Variants in ZP1 observed in about 807,000 individuals in gnomAD.
ZP1 encodes zona pellucida sperm-binding protein 1.
A neutral mutation model predicts 67.4 loss-of-function variants in ZP1; 58 were observed. The ratio of observed to expected loss-of-function variants is 0.86; its 90% CI spans 0.70 to 1.07. ZP1 has a LOEUF of 1.07. ZP1 is among the 50% of genes least tolerant of loss of function. ZP1 has a pLI of 0.00. For missense variants in ZP1, 759 were observed against 807.3 expected, an observed-to-expected ratio of 0.94 and a Z score of 0.72; for synonymous variants, 333 against 332.7, an observed-to-expected ratio of 1.00 and a Z score of -0.01.
At chr11:60,871,386 G>T (rs1228287562) in intron 6 of ZP1, 72 bp downstream of exon 6, 3 of 1,519,704 alleles carry the variant, frequency 2.0e-6, no homozygotes, top group Non-Finnish European at 2.7e-6. Context: ...GCTCAGTACA[G>T]GCTTCGGAGC....
At chr11:60,870,601 T>C in intron 4 of ZP1, 126 bp downstream of exon 4, 1 of 1,324,312 alleles carries the variant, frequency 7.6e-7, no homozygotes, top group Non-Finnish European at 1.0e-6. Flanking sequence ...CCAGAGCAGA[T>C]GGCAGAGGAG....
At position 60,873,751 on chromosome 11, in the gene ZP1, C is replaced by T; in HGVS notation, c.1548C>T (p.Gly516=). The T allele has an allele frequency of 6.2e-7, 1 of 1,614,100 alleles. No homozygotes were observed. The highest frequency in any genetic ancestry group is 2.2e-5 in the East Asian group (1 of 44,890). The change falls in exon 9 of 12, where the codon GGC becomes GGT. Residue 516 remains glycine (G), a synonymous_variant. Coordinates refer to ENST00000278853, the MANE Select transcript of ZP1 (RefSeq NM_207341.4). ...CTACCTTCGCCCTCCTGGACTCAGG[C>T]TCCCAGAGAGCCCTCAGAGGACTGG... ...TVATFALLDS[G]SQRALRGLVY... is the part of the protein sequence containing the mutation.
rs1855687392 is a variant in ZP1, at chr11:60,875,563, G to A, written c.1824G>A (p.Leu608=). Residue 608 remains leucine, a synonymous_variant, in exon 12 of 12, where the codon TTG becomes TTA. Transcript: ENST00000278853. The stretch of plus-strand genomic sequence containing the variant: ...GACCTCTCCTTTGGGCGGTCCTTTT[G>A]CTGCCAGCTGTTGCCCTGGTCCTTG... The part of the protein sequence containing the change: ...SLRPLLWAVL[L]LPAVALVLGF... The A allele has an allele frequency of 6.2e-7, 1 of 1,614,040 alleles. No homozygotes were observed. Among genetic ancestry groups the A allele is most frequent in the African/African-American group, 1.3e-5 (1 of 74,936 alleles).
intron 9 of ZP1, 134 bp downstream of exon 9, chr11:60,873,909 T>C (rs989627862): frequency 2.3e-5 from 29 of 1,251,452 alleles, no homozygotes; most frequent in East Asian, 7.5e-5. Context: ...CCAGGTGTCA[T>C]GGAAAGCAGC....
chr11:60,873,705 A>C lies in ZP1; in HGVS notation c.1502A>C (p.His501Pro). Residue 501 changes from histidine to proline, a missense_variant, in exon 9 of 12, where the codon CAC (histidine) becomes CCC (proline). Transcript: ENST00000278853. ...GACGGGGCCACACCTTTCCAGTCGC[A>C]CTACCAGCGATTCACTGTTGCTACC... ...ALDGATPFQS[H>P]YQRFTVATFA... The C allele has an allele frequency of 2.5e-6, 4 of 1,614,154 alleles. No homozygotes were observed. The highest frequency in any genetic ancestry group is 3.4e-6 in the Non-Finnish European group (4 of 1,180,020).
rs1295691174 is a variant in ZP1, at chr11:60,873,582, C to T, written c.1430+18C>T. 5.0e-6 allele frequency: 8 copies of T among 1,613,380 alleles called. No individual in the cohort carries two copies. Among genetic ancestry groups the T allele is most frequent in the Non-Finnish European group, 6.8e-6 (8 of 1,179,632 alleles). On this transcript the variant is annotated intron_variant, in intron 8 of 11. Transcript: ENST00000278853. The stretch of plus-strand genomic sequence containing the variant: ...TCAGACGGGTGAGTGCCCCCACACT[C>T]CCCCCACCTGCTCTGCCTCCTGTAA...
rs759475398 is a variant in ZP1 at position 60,873,227 on chromosome 11, C to T, written c.1178C>T (p.Pro393Leu). 1.2e-6 allele frequency: 2 copies of T among 1,607,312 alleles called. No individual in the cohort carries two copies. The highest frequency in any genetic ancestry group is 1.1e-5 in the South Asian group (1 of 89,840). Residue 393 changes from proline (P) to leucine (L), a missense_variant, in exon 7 of 12, where the codon CCC becomes CTC. Pro to Leu is a moderately conservative substitution (Grantham distance 98). Coordinates refer to ENST00000278853, the MANE Select transcript of ZP1 (RefSeq NM_207341.4). Reference protein sequence around the residue: ...FLPIQASIFPPPSPAPMTQPG... With the variant: ...FLPIQASIFPLPSPAPMTQPG... Reference sequence around the variant, plus strand: ...CCCATTCAGGCATCCATTTTCCCACCCCCATCGCCTGCTCCTATGACCCAG... The same window carrying T: ...CCCATTCAGGCATCCATTTTCCCACTCCCATCGCCTGCTCCTATGACCCAG...
intron 6 of ZP1, among the ~76,000 whole-genome samples, chr11:60,872,717 G>A (rs1249085250): frequency 2.6e-5 from 4 of 152,204 alleles, no homozygotes; most frequent in Non-Finnish European, 4.4e-5. Context: ...AGACTTGCTT[G>A]TGGTCCCAAA....
chr11:60,871,871 G>A (rs1290330276), intron 6 of ZP1, among the ~76,000 whole-genome samples: 1 of 152,186 alleles, frequency 6.6e-6, no homozygotes. Context: ...GGGGTGACCC[G>A]AGGGAATCTG....
chr11:60,869,337 C>CA, intron 2 of ZP1, 71 bp downstream of exon 2: 1 of 1,589,842 alleles, frequency 6.3e-7, no homozygotes, highest in Admixed American at 1.8e-5. Flanking sequence ...AGAGGCCCCT[C>CA]ATGAACCAGA....
Position 60,871,329 on chromosome 11 carries a change from C to T in ZP1, c.1112+15C>T, listed in dbSNP as rs1855565578. 1.9e-6 allele frequency: 3 copies of T among 1,612,726 alleles called. No individual in the cohort carries two copies. Among genetic ancestry groups the T allele is most frequent in the Non-Finnish European group, 2.5e-6 (3 of 1,179,784 alleles). ...AGCACCTTCCAGTAAGGGCAGCCCT[C>T]CTCCTACAGGCGTGGCTGTGTGCTA... On this transcript the variant is annotated intron_variant, in intron 6 of 11. Transcript: ENST00000278853.
Position 60,873,168 on chromosome 11 carries a change from T to C in ZP1, c.1119T>C (p.His373=), listed in dbSNP as rs752425801. ...TCTTGCACGTGGACTTCAGGCTTCA[T>C]GTGCGCTGTGTCTTCAACGCCAGTG... ...SITRDSTFQL[H]VRCVFNASDF... Residue 373 remains histidine (H), a synonymous_variant, in exon 7 of 12, where the codon CAT becomes CAC. Transcript: ENST00000278853. 1.9e-6 allele frequency: 3 copies of C among 1,583,666 alleles called. No homozygotes were observed. Among genetic ancestry groups the C allele is most frequent in the South Asian group, 2.4e-5 (2 of 85,026 alleles).
At chr11:60,875,392 C>T in intron 11 of ZP1, 122 bp from the exon 12 acceptor site, 12 of 1,513,456 alleles carry the variant, frequency 7.9e-6, no homozygotes, top group Non-Finnish European at 1.1e-5. Context: ...TGAAGACAGA[C>T]ACAGTCCACC....
At position 60,871,250 on chromosome 11, in the gene ZP1, C is replaced by G. The variant is rs772595609; in HGVS notation, c.1048C>G (p.Leu350Val). Reference protein sequence around the residue: ...AGDQLIYENWLVSGIHIQKGP... With the variant: ...AGDQLIYENWVVSGIHIQKGP... The stretch of plus-strand genomic sequence containing the variant: ...CGACCAGCTCATCTATGAGAACTGG[C>G]TGGTGTCTGGCATCCACATCCAAAA... Residue 350 changes from leucine to valine, a missense_variant, in exon 6 of 12, where the codon CTG becomes GTG. Leu to Val is a conservative substitution (Grantham distance 32, BLOSUM62 1). Coordinates refer to ENST00000278853, the MANE Select transcript of ZP1 (RefSeq NM_207341.4). 2.5e-6 allele frequency: 4 copies of G among 1,613,894 alleles called. No individual in the cohort carries two copies. The African/African-American group carries it at 4.0e-5, about 16-fold the overall frequency.
chr11:60,875,445 A>G, intron 11 of ZP1, 69 bp from the exon 12 acceptor site: 1 of 1,590,778 alleles, frequency 6.3e-7, no homozygotes, highest in Admixed American at 1.7e-5. Flanking sequence ...AGTGTGATAC[A>G]AAGTTCTGGG....
chr11:60,875,265 G>C lies in ZP1; in HGVS notation c.1774+17G>C. The C allele has an allele frequency of 1.9e-6, 3 of 1,606,014 alleles. No homozygotes were observed. The highest frequency in any genetic ancestry group is 2.5e-6 in the Non-Finnish European group (3 of 1,178,484). ...GGCCCACAGGTAGGAGGGCTTCTGG[G>C]TGGGCCCCTCAGGCCTTACCCACTC... On this transcript the variant is annotated intron_variant, in intron 11 of 11. Transcript: ENST00000278853.
intron 11 of ZP1, 54 bp from the exon 12 acceptor site, chr11:60,875,460 A>C (rs1855684245): frequency 3.7e-6 from 6 of 1,602,490 alleles, no homozygotes; most frequent in Non-Finnish European, 5.1e-6. Flanking sequence ...TCTGGGGTGG[A>C]GGGGAGGGTT....
At position 60,869,889 on chromosome 11, in the gene ZP1, G is replaced by A. The variant is rs1259932499; in HGVS notation, c.671G>A (p.Arg224Gln). Residue 224 changes from arginine to glutamine, a missense_variant, in exon 3 of 12, where the codon CGA becomes CAA. Coordinates refer to ENST00000278853, the MANE Select transcript of ZP1 (RefSeq NM_207341.4). ...TTGGAACACTGGGATGTGAACAAAC[G>A]AGATTACATAGGTACGCAGGACATC... Reference protein sequence around the residue: ...GTLEHWDVNKRDYIGTHLSQE... With the variant: ...GTLEHWDVNKQDYIGTHLSQE... 7.1e-6 allele frequency: 11 copies of A among 1,556,890 alleles called. No homozygotes were observed. Among genetic ancestry groups the A allele is most frequent in the South Asian group, 3.7e-5 (3 of 81,424 alleles).
intron 4 of ZP1, chr11:60,870,750 C>T: frequency 1.4e-6 from 1 of 693,614 alleles, no homozygotes; most frequent in Non-Finnish European, 2.4e-6. Flanking sequence ...ATATGGTGAA[C>T]CTACTTTTAG....
Sources: allele counts gnomAD v4.1 joint callset (sites outside exome capture counted in the v4.1 genomes callset), GRCh38; gene constraint gnomAD v4.1.1; transcripts MANE v1.5; gene names NCBI Gene and HGNC (gene_info 2026-07-23, HGNC 2026-07-21).